The following CTNNA3 variants were observed in gnomAD, a reference collection of about 807,000 sequenced individuals.
CTNNA3 encodes the protein catenin alpha-3.
In CTNNA3, 76 loss-of-function variants were observed where a neutral mutation model predicts 95.7. That is an observed-to-expected ratio of 0.79 (90% CI 0.66 to 0.96). CTNNA3 has a LOEUF of 0.96. Ranked by LOEUF, CTNNA3 falls within the 40% of genes least tolerant of loss-of-function variation. The pLI is 0.00. For synonymous variants in CTNNA3, 431 were observed against 374.4 expected, an observed-to-expected ratio of 1.15 and a Z score of -1.74; for missense variants, 1,191 against 1,089.8, an observed-to-expected ratio of 1.09 and a Z score of -1.31.
chr10:67,445,121 G>A (rs1846692548), intron 5 of CTNNA3, among the ~76,000 whole-genome samples: 1 of 151,182 alleles, frequency 6.6e-6, no homozygotes, highest in South Asian at 2.1e-4. Flanking sequence ...GACACCAAAA[G>A]CAGACCAGAC....
At chr10:67,548,770 T>C (rs991241691) in intron 3 of CTNNA3, among the ~76,000 whole-genome samples, 1 of 151,620 alleles carries the variant, frequency 6.6e-6, no homozygotes, top group Admixed American at 6.6e-5. Flanking sequence ...CAATCAAAAC[T>C]TAAACCTTTT....
chr10:66,473,873 C>G (rs1178720077), intron 11 of CTNNA3, among the ~76,000 whole-genome samples: 1 of 152,044 alleles, frequency 6.6e-6, no homozygotes, highest in Non-Finnish European at 1.5e-5. Context: ...GTATAGTATT[C>G]CATGGTGTAT....
chr10:66,978,771 T>C (rs1850230832), intron 7 of CTNNA3, among the ~76,000 whole-genome samples: 1 of 138,900 alleles, frequency 7.2e-6, no homozygotes, highest in African/African-American at 2.5e-5. Context: ...TTTAATTAAA[T>C]AAAAAGTAGC....
intron 14 of CTNNA3, chr10:66,084,861 T>G (rs1374001892): frequency 6.6e-6 from 1 of 152,156 alleles, no homozygotes; most frequent in Non-Finnish European, 1.5e-5. Flanking sequence ...TGTGTATTTT[T>G]TTATTTAAGG....
chr10:66,560,838 GCTCT>G (rs149279518), intron 10 of CTNNA3, among the ~76,000 whole-genome samples: 1 of 150,714 alleles, frequency 6.6e-6, no homozygotes, highest in African/African-American at 2.4e-5. Flanking sequence ...GAGCTTGCCT[GCTCT>G]CTCTCTCTCT....
chr10:66,636,283 G>T (rs1028188604), intron 9 of CTNNA3, among the ~76,000 whole-genome samples: 2 of 151,920 alleles, frequency 1.3e-5, no homozygotes, highest in Non-Finnish European at 2.9e-5. Context: ...GTTAGCAGGG[G>T]CATAAGCTAT....
At chr10:66,749,983 T>C (rs568883791) in intron 9 of CTNNA3, among the ~76,000 whole-genome samples, 2 of 152,352 alleles carry the variant, frequency 1.3e-5, no homozygotes, top group East Asian at 3.9e-4. Context: ...GAACATCTTT[T>C]CATATGCTTA....
intron 7 of CTNNA3, among the ~76,000 whole-genome samples, chr10:67,021,232 CT>C (rs1334643622): frequency 6.6e-6 from 1 of 152,112 alleles, no homozygotes; most frequent in Non-Finnish European, 1.5e-5. Flanking sequence ...AAAAGCTCAA[CT>C]TTGTCAATTA....
intron 10 of CTNNA3, among the ~76,000 whole-genome samples, chr10:66,599,005 G>A (rs76751616): frequency 6.6e-6 from 1 of 151,008 alleles, no homozygotes; most frequent in Non-Finnish European, 1.5e-5. Flanking sequence ...TATCACAAAG[G>A]TATAGTAATC....
At chr10:66,285,168 ATACTC>A (rs149102387) in intron 12 of CTNNA3, among the ~76,000 whole-genome samples, 11,005 of 151,946 alleles carry the variant, frequency 0.072, 1,167 homozygotes, top group African/African-American at 0.24. Flanking sequence ...CCTCTGTGTT[ATACTC>A]TACTCTATCT....
At chr10:67,246,937 A>T (rs1564509923) in intron 5 of CTNNA3, among the ~76,000 whole-genome samples, 1 of 152,186 alleles carries the variant, frequency 6.6e-6, no homozygotes, top group Non-Finnish European at 1.5e-5. Context: ...TGTGAGTGGT[A>T]CTTTCATTCT....
At chr10:66,858,896 G>A (rs1011051918) in intron 7 of CTNNA3, among the ~76,000 whole-genome samples, 3 of 151,828 alleles carry the variant, frequency 2.0e-5, no homozygotes, top group South Asian at 2.1e-4. Flanking sequence ...GTTCAGCTCT[G>A]ATTTTGCTTA....
intron 5 of CTNNA3, among the ~76,000 whole-genome samples, chr10:67,487,202 G>A (rs1325247667): frequency 2.0e-5 from 3 of 152,180 alleles, no homozygotes; most frequent in Admixed American, 2.0e-4. Context: ...TCAGTTTTCT[G>A]TGCATAGTTC....
chr10:66,596,498 A>C (rs975404429), intron 10 of CTNNA3, among the ~76,000 whole-genome samples: 2 of 152,168 alleles, frequency 1.3e-5, no homozygotes, highest in East Asian at 3.9e-4. Context: ...ACAATTCAGG[A>C]CACTGTCTTA....
At chr10:65,990,519 T>G (rs2078522457) in intron 15 of CTNNA3, among the ~76,000 whole-genome samples, 1 of 151,740 alleles carries the variant, frequency 6.6e-6, no homozygotes, top group African/African-American at 2.4e-5. Context: ...TATTGGTCAT[T>G]TGTCTTCTTT....
At chr10:66,931,486 G>C (rs988608580) in intron 7 of CTNNA3, among the ~76,000 whole-genome samples, 6 of 152,200 alleles carry the variant, frequency 3.9e-5, no homozygotes, top group Middle Eastern at 3.4e-3. Context: ...TTTTTTACTT[G>C]ATTTGGTGAG....
chr10:67,189,144 A>AC (rs376869482), intron 6 of CTNNA3, among the ~76,000 whole-genome samples: 15,685 of 146,784 alleles, frequency 0.11, 1,291 homozygotes, highest in African/African-American at 0.25. Context: ...AACAACAACA[A>AC]AAAAAAAAAC....
chr10:65,992,055 G>A (rs372695307), intron 15 of CTNNA3, among the ~76,000 whole-genome samples: 5 of 152,040 alleles, frequency 3.3e-5, no homozygotes, highest in African/African-American at 9.6e-5. Context: ...CACGTTTATT[G>A]ATTTGTGTAT....
intron 11 of CTNNA3, among the ~76,000 whole-genome samples, chr10:66,474,079 A>G (rs1432744775): frequency 6.6e-6 from 1 of 152,052 alleles, no homozygotes; most frequent in Admixed American, 6.6e-5. Context: ...ACAACTTTCA[A>G]AATCCTCTCT....
Sources: allele counts gnomAD v4.1 joint callset (sites outside exome capture counted in the v4.1 genomes callset), GRCh38; gene constraint gnomAD v4.1.1; transcripts MANE v1.5; gene names NCBI Gene and HGNC (gene_info 2026-07-23, HGNC 2026-07-21).